Variants in IL1R2 observed in about 807,000 individuals in gnomAD.
IL1R2 encodes the protein interleukin-1 receptor type 2.
A neutral mutation model predicts 39.5 loss-of-function variants in IL1R2; 46 were observed. The ratio of observed to expected loss-of-function variants is 1.16; its 90% CI spans 0.92 to 1.49. The LOEUF (loss-of-function observed/expected upper bound fraction) is 1.49, where lower values mean the gene tolerates loss of function less well. Among genes scored for constraint, IL1R2 ranks in the 40% most tolerant of loss-of-function variants. IL1R2 has a pLI of 0.00. For missense variants in IL1R2, 537 were observed against 502.0 expected, an observed-to-expected ratio of 1.07 and a Z score of -0.67; for synonymous variants, 207 against 189.6, an observed-to-expected ratio of 1.09 and a Z score of -0.75.
intron 5 of IL1R2, 78 bp downstream of exon 5, chr2:102,019,890 G>A: frequency 1.6e-6 from 2 of 1,249,846 alleles, no homozygotes; most frequent in Non-Finnish European, 2.2e-6. Context: ...GGTGCACGTA[G>A]AATTCCTTGC....
chr2:102,026,932 T>C lies in IL1R2; in HGVS notation c.1030+679T>C, dbSNP rs192576655. Among the ~76,000 whole-genome samples the C allele has an allele frequency of 5.2e-3, 787 of 152,344 alleles. 6 individuals are homozygous for C. Among genetic ancestry groups the C allele is most frequent in the Non-Finnish European group, 5.0e-3 (340 of 68,036 alleles). On this transcript the variant is annotated intron_variant, in intron 8 of 8. Coordinates refer to ENST00000332549, the MANE Select transcript of IL1R2 (RefSeq NM_004633.4). ...CTCAGTGATGGCTCGTGGACAATCT[T>C]ACAGCAATAACATAAATACAAATTG...
At chr2:102,012,432 G>A (rs1350744804) in intron 3 of IL1R2, among the ~76,000 whole-genome samples, 1 of 152,158 alleles carries the variant, frequency 6.6e-6, no homozygotes, top group Non-Finnish European at 1.5e-5. Flanking sequence ...TGGAAGTACT[G>A]GTGAATGGAA....
chr2:101,992,548 G>A (rs767664921), intron 1 of IL1R2, among the ~76,000 whole-genome samples: 1 of 151,568 alleles, frequency 6.6e-6, no homozygotes, highest in African/African-American at 2.4e-5. Flanking sequence ...GAGACAGAGA[G>A]AGGCAGAGAG....
intron 5 of IL1R2, 92 bp from the exon 6 acceptor site, chr2:102,022,095 A>G (rs193032023): frequency 1.2e-5 from 12 of 1,040,340 alleles, no homozygotes; most frequent in Admixed American, 5.2e-5. Context: ...ACTGGAAAGG[A>G]TAACTTAGTT....
rs3218976 is a variant in IL1R2, at chr2:102,024,655, G to A, written c.874G>A (p.Glu292Lys). 7.2e-5 allele frequency: 117 copies of A among 1,613,960 alleles called. No homozygotes were observed. The African/African-American group carries it at 1.4e-3, about 19-fold the overall frequency. ...CGCCTACCCGGGAGGCCGCGTGACC[G>A]AGGGGCCACGCCAGTAAGTGGGCCA... is the stretch of plus-strand genomic sequence containing the variant. ...ESAYPGGRVTEGPRQEYSENN... is the reference protein window; with the variant it reads ...ESAYPGGRVTKGPRQEYSENN... Residue 292 changes from glutamate to lysine, a missense_variant, in exon 7 of 9, where the codon GAG (glutamate) becomes AAG (lysine). Coordinates refer to ENST00000332549, the MANE Select transcript of IL1R2 (RefSeq NM_004633.4).
chr2:102,024,611 A>G lies in IL1R2; in HGVS notation c.830A>G (p.Asn277Ser), dbSNP rs770557266. The change falls in exon 7 of 9, where the codon AAT becomes AGT. Residue 277 changes from asparagine to serine, a missense_variant. By Grantham distance (46) the Asn-to-Ser change is conservative. Transcript: ENST00000332549. ...PLTTMLWWTANDTHIESAYPG... is the reference protein window; with the variant it reads ...PLTTMLWWTASDTHIESAYPG... ...ACCACCATGCTGTGGTGGACGGCCA[A>G]TGACACCCACATAGAGAGCGCCTAC... 1.6e-5 allele frequency: 26 copies of G among 1,614,006 alleles called. No individual in the cohort carries two copies. Among genetic ancestry groups the G allele is most frequent in the Middle Eastern group, 1.6e-4 (1 of 6,084 alleles).
In IL1R2 at chr2:102,019,327, C is replaced by T. The variant is rs3218942; in HGVS notation, c.514-311C>T. Among the ~76,000 whole-genome samples the T allele has an allele frequency of 6.5e-3, 987 of 152,312 alleles. 11 individuals are homozygous for T. Among genetic ancestry groups the T allele is most frequent in the African/African-American group, 0.023 (938 of 41,576 alleles). On this transcript the variant is annotated intron_variant, in intron 4 of 8. Transcript: ENST00000332549. Reference sequence around the variant, plus strand: ...TAAGGCCTGAAGGTAGCAGTCAGGACATAAACATATTTGTATTTTAGATGG... The same window carrying T: ...TAAGGCCTGAAGGTAGCAGTCAGGATATAAACATATTTGTATTTTAGATGG...
chr2:102,008,006 C>T (rs1676370584), intron 1 of IL1R2, among the ~76,000 whole-genome samples: 1 of 152,220 alleles, frequency 6.6e-6, no homozygotes. Flanking sequence ...TTTCCTTTCA[C>T]AGTCCTTCCA....
chr2:102,003,971 G>A (rs1183556622), intron 1 of IL1R2, among the ~76,000 whole-genome samples: 7 of 151,648 alleles, frequency 4.6e-5, no homozygotes, highest in Admixed American at 3.9e-4. Flanking sequence ...CTAGGTCTAG[G>A]TCTTGGTCTC....
intron 1 of IL1R2, among the ~76,000 whole-genome samples, chr2:101,997,589 T>G (rs1675655685): frequency 6.6e-6 from 1 of 152,170 alleles, no homozygotes; most frequent in South Asian, 2.1e-4. Flanking sequence ...TCATCTTGTC[T>G]TTCATCATGG....
intron 1 of IL1R2, among the ~76,000 whole-genome samples, chr2:102,003,742 C>T (rs142513198): frequency 2.2e-4 from 33 of 151,280 alleles, no homozygotes; most frequent in East Asian, 2.2e-3. Context: ...TGTCCCATGT[C>T]GGTGTCTGTG....
chr2:102,009,683 C>T lies in IL1R2; in HGVS notation c.189C>T (p.Pro63=), dbSNP rs1676494912. The change falls in exon 3 of 9, where the codon CCC becomes CCT. Residue 63 remains proline, a synonymous_variant. Coordinates refer to ENST00000332549, the MANE Select transcript of IL1R2 (RefSeq NM_004633.4). ...VPYWLWASVS[P]RINLTWHKND... ...ACTGGTTGTGGGCCTCTGTCAGCCC[C>T]CGCATCAACCTGACATGGCATAAAA... 1 of 1,614,202 alleles carries T rather than the reference C, an allele frequency of 6.2e-7. No individual in the cohort carries two copies. The highest frequency in any genetic ancestry group is 8.5e-7 in the Non-Finnish European group (1 of 1,180,028).
At chr2:102,014,245 C>T (rs1222778284) in intron 3 of IL1R2, among the ~76,000 whole-genome samples, 1 of 152,150 alleles carries the variant, frequency 6.6e-6, no homozygotes, top group Non-Finnish European at 1.5e-5. Flanking sequence ...GCTGTACAGC[C>T]CACTTAATTT....
chr2:102,023,059 C>T (rs1677500061), intron 6 of IL1R2, among the ~76,000 whole-genome samples: 1 of 152,228 alleles, frequency 6.6e-6, no homozygotes, highest in East Asian at 1.9e-4. Flanking sequence ...GTCTGTGTGC[C>T]TATAAAACCT....
rs1308766941 is a variant in IL1R2, at chr2:102,028,315, A to C, written c.1120A>C (p.Lys374Gln). Residue 374 changes from lysine to glutamine, a missense_variant, in exon 9 of 9, where the codon AAA (lysine) becomes CAA (glutamine). Physicochemically the swap from Lys to Gln is moderately conservative, Grantham distance 53. Coordinates refer to ENST00000332549, the MANE Select transcript of IL1R2 (RefSeq NM_004633.4). ...LGGIWMHRRCKHRTGKADGLT... is the reference protein window; with the variant it reads ...LGGIWMHRRCQHRTGKADGLT... ...GGGAATATGGATGCACAGACGGTGCAAACACAGAACTGGAAAAGCAGATGG... is the reference window on the plus strand; with the variant it reads ...GGGAATATGGATGCACAGACGGTGCCAACACAGAACTGGAAAAGCAGATGG... 1 of 1,612,308 alleles carries C rather than the reference A, an allele frequency of 6.2e-7. No homozygotes were observed. Among genetic ancestry groups the C allele is most frequent in the Non-Finnish European group, 8.5e-7 (1 of 1,179,446 alleles).
At chr2:102,026,348 A>G (rs1677748416) in intron 8 of IL1R2, 95 bp downstream of exon 8, 2 of 1,019,530 alleles carry the variant, frequency 2.0e-6, no homozygotes, top group Non-Finnish European at 2.8e-6. Flanking sequence ...AAATGATTCC[A>G]TAGAAATTCC....
rs78714574 is a variant in IL1R2, at chr2:102,021,223, G to C, written c.689-964G>C. Among the ~76,000 whole-genome samples, 1,515 of 152,050 alleles carry C rather than the reference G, an allele frequency of 1.0e-2. 8 individuals carry two copies. The highest frequency in any genetic ancestry group is 0.016 in the Non-Finnish European group (1,085 of 67,974). ...GGAAGTGAGGATGATGAGGCCCGTC[G>C]TGGAGACAACTCACAGCCCTCACCC... is the stretch of plus-strand genomic sequence containing the variant. On this transcript the variant is annotated intron_variant, in intron 5 of 8. Coordinates refer to ENST00000332549, the MANE Select transcript of IL1R2 (RefSeq NM_004633.4).
At chr2:102,000,059 G>T (rs1394958747) in intron 1 of IL1R2, among the ~76,000 whole-genome samples, 1 of 152,206 alleles carries the variant, frequency 6.6e-6, no homozygotes, top group African/African-American at 2.4e-5. Flanking sequence ...CTGTGGAATG[G>T]TCGCTTAGCA....
At position 102,003,235 on chromosome 2, in the gene IL1R2, GCTGTGT is replaced by G. The variant is rs1216521538; in HGVS notation, c.-61-5266_-61-5261del. Among the ~76,000 whole-genome samples, 28 of 131,000 alleles carry G rather than the reference GCTGTGT, an allele frequency of 2.1e-4. No individual in the cohort carries two copies. In the East Asian group the frequency reaches 6.2e-3, roughly 29 times the overall value. 85.9% of individuals were successfully genotyped at this position (131,000 alleles called of 152,430 possible). On this transcript the variant is annotated intron_variant, in intron 1 of 8. Transcript: ENST00000332549. ...ATATCTGTGTCTGTGTCTGGCTGTGGCTGTGTCTGTGTCTGTGTCGGTGTCTGTGTC... is the reference window on the plus strand; with the variant it reads ...ATATCTGTGTCTGTGTCTGGCTGTGGCTGTGTCTGTGTCGGTGTCTGTGTC...
Sources: gnomAD v4.1 joint callset for allele counts (sites outside exome capture counted in the v4.1 genomes callset) on GRCh38, gnomAD v4.1.1 for gene constraint, MANE v1.5 for transcripts, NCBI Gene and HGNC (gene_info 2026-07-23, HGNC 2026-07-21) for gene names.